ARHGAP31: variants seen among roughly 807,000 people sequenced by gnomAD.
The protein encoded by ARHGAP31 is rho GTPase-activating protein 31.
ARHGAP31 carries 34 observed loss-of-function variants against 113.9 expected under a neutral mutation model. The ratio of observed to expected loss-of-function variants is 0.30; its 90% CI spans 0.23 to 0.40. ARHGAP31 has a LOEUF of 0.40. Among genes scored for constraint, ARHGAP31 ranks in the 10% least tolerant of loss-of-function variants. ARHGAP31 has a pLI of 1.00. For synonymous variants in ARHGAP31, 650 were observed against 684.8 expected, an observed-to-expected ratio of 0.95 and a Z score of 0.79; for missense variants, 1,548 against 1,767.1, an observed-to-expected ratio of 0.88 and a Z score of 2.22.
intron 1 of ARHGAP31, among the ~76,000 whole-genome samples, chr3:119,333,831 T>C (rs1012314491): frequency 3.9e-5 from 6 of 152,230 alleles, no homozygotes; most frequent in African/African-American, 1.4e-4. Flanking sequence ...ATGAGAAGTG[T>C]TTTATGACTG....
intron 1 of ARHGAP31, among the ~76,000 whole-genome samples, chr3:119,348,082 G>T (rs925510606): frequency 2.0e-5 from 3 of 152,222 alleles, no homozygotes; most frequent in African/African-American, 7.2e-5. Flanking sequence ...AGCCAGCAAA[G>T]CTGAGCTCCA....
At chr3:119,339,696 G>A (rs2079991083) in intron 1 of ARHGAP31, among the ~76,000 whole-genome samples, 1 of 152,028 alleles carries the variant, frequency 6.6e-6, no homozygotes, top group Non-Finnish European at 1.5e-5. Context: ...CCAAAAAATA[G>A]TGCTGGAACA....
intron 10 of ARHGAP31, among the ~76,000 whole-genome samples, chr3:119,402,679 C>T (rs959369103): frequency 6.6e-6 from 1 of 152,136 alleles, no homozygotes; most frequent in Non-Finnish European, 1.5e-5. Context: ...ACATATGAAG[C>T]TCTCAGAACA....
intron 1 of ARHGAP31, among the ~76,000 whole-genome samples, chr3:119,301,230 AC>A (rs1439528759): frequency 2.0e-5 from 3 of 151,512 alleles, no homozygotes; most frequent in Non-Finnish European, 4.4e-5. Context: ...TCCCCTTTCT[AC>A]CCGCACTGGC....
intron 8 of ARHGAP31, among the ~76,000 whole-genome samples, chr3:119,396,543 G>C (rs1013053464): frequency 1.3e-5 from 2 of 152,118 alleles, no homozygotes; most frequent in African/African-American, 4.8e-5. Context: ...TAGGCTTTAT[G>C]GTCATAACTT....
intron 3 of ARHGAP31, among the ~76,000 whole-genome samples, chr3:119,375,997 G>T (rs1028507939): frequency 6.6e-6 from 1 of 152,138 alleles, no homozygotes; most frequent in Non-Finnish European, 1.5e-5. Context: ...AGCTACAGGC[G>T]TATGCATCAA....
chr3:119,399,180 T>G lies in ARHGAP31; in HGVS notation c.1007-19T>G. On this transcript the variant is annotated intron_variant, in intron 8 of 11. Transcript: ENST00000264245. ...TGTTAATATGCATTCATCAAGGATA[T>G]TTTTTCTTTTGTCTTTAGTGGAAAA... 2 of 1,609,954 alleles carry G rather than the reference T, an allele frequency of 1.2e-6. No individual in the cohort carries two copies. The highest frequency in any genetic ancestry group is 1.7e-6 in the Non-Finnish European group (2 of 1,176,274).
intron 1 of ARHGAP31, chr3:119,330,005 C>T (rs979780642): frequency 6.1e-6 from 6 of 985,272 alleles, no homozygotes; most frequent in East Asian, 1.1e-4. Flanking sequence ...CCACTATCAT[C>T]GGTGACTCCA....
chr3:119,410,832 A>G (rs979383125), intron 11 of ARHGAP31, among the ~76,000 whole-genome samples: 11 of 152,228 alleles, frequency 7.2e-5, no homozygotes, highest in African/African-American at 2.7e-4. Flanking sequence ...TCTTGGAGCT[A>G]ACAGCCTAGT....
chr3:119,370,830 A>G (rs188464028), intron 3 of ARHGAP31, among the ~76,000 whole-genome samples: 1 of 152,224 alleles, frequency 6.6e-6, no homozygotes. Context: ...CTATATTTTT[A>G]CACTATTTTT....
intron 1 of ARHGAP31, among the ~76,000 whole-genome samples, chr3:119,344,978 T>TTTTTTTA (rs2080042779): frequency 6.6e-6 from 1 of 151,532 alleles, no homozygotes; most frequent in Non-Finnish European, 1.5e-5. Context: ...GGTGGGATTT[T>TTTTTTTA]TTTTTTCTTT....
chr3:119,358,476 T>C (rs1452833600), intron 1 of ARHGAP31, among the ~76,000 whole-genome samples: 1 of 152,204 alleles, frequency 6.6e-6, no homozygotes, highest in Non-Finnish European at 1.5e-5. Flanking sequence ...CCATACGACC[T>C]AGCCATTTCA....
intron 1 of ARHGAP31, among the ~76,000 whole-genome samples, chr3:119,353,176 T>G (rs2107617427): frequency 6.6e-6 from 1 of 152,320 alleles, no homozygotes; most frequent in South Asian, 2.1e-4. Flanking sequence ...CTCACAACAC[T>G]GTGAGCCCCT....
At chr3:119,402,725 CTAT>C (rs1298154423) in intron 10 of ARHGAP31, among the ~76,000 whole-genome samples, 1 of 151,962 alleles carries the variant, frequency 6.6e-6, no homozygotes, top group African/African-American at 2.4e-5. Flanking sequence ...TAAATATTAC[CTAT>C]TATTATTTTA....
chr3:119,374,553 C>T (rs185093971), intron 3 of ARHGAP31, among the ~76,000 whole-genome samples: 2 of 152,254 alleles, frequency 1.3e-5, no homozygotes, highest in Non-Finnish European at 2.9e-5. Context: ...GAGGGAGGGA[C>T]CTGGTGGGAG....
chr3:119,345,492 C>G (rs549690746), intron 1 of ARHGAP31, among the ~76,000 whole-genome samples: 1 of 152,098 alleles, frequency 6.6e-6, no homozygotes, highest in Non-Finnish European at 1.5e-5. Context: ...CTCCAGAACT[C>G]ATGCCCTTAA....
At chr3:119,386,283 G>C (rs1233530334) in intron 6 of ARHGAP31, among the ~76,000 whole-genome samples, 12 of 152,150 alleles carry the variant, frequency 7.9e-5, no homozygotes, top group Non-Finnish European at 1.5e-4. Context: ...ACCATGAACT[G>C]GTTAGCTTAT....
Position 119,418,631 on chromosome 3 carries a change from C to T in ARHGAP31, c.*2367C>T, listed in dbSNP as rs1397476901. The T allele has an allele frequency of 1.3e-5, 2 of 152,204 alleles. No individual in the cohort carries two copies. Among genetic ancestry groups the T allele is most frequent in the East Asian group, 3.8e-4 (2 of 5,200 alleles). The allele number at this position is 152,204 out of a possible 1,614,324, so 9.4% of individuals were successfully genotyped here. ...GGATAGACTGAGAAGCCACCATTTA[C>T]ATATTAACAAGTGACTTCAGTTCTA... On this transcript the variant is annotated 3_prime_UTR_variant, in exon 12 of 12. Coordinates refer to ENST00000264245, the MANE Select transcript of ARHGAP31 (RefSeq NM_020754.4).
chr3:119,366,882 A>T (rs1218256223), intron 2 of ARHGAP31, among the ~76,000 whole-genome samples: 5 of 152,060 alleles, frequency 3.3e-5, no homozygotes, highest in African/African-American at 1.2e-4. Context: ...CGGGTGGATC[A>T]CCTGAGGTCA....
Sources: gnomAD v4.1 joint callset for allele counts (sites outside exome capture counted in the v4.1 genomes callset) on GRCh38, gnomAD v4.1.1 for gene constraint, MANE v1.5 for transcripts, NCBI Gene and HGNC (gene_info 2026-07-23, HGNC 2026-07-21) for gene names.